ULK4: variants seen among roughly 807,000 people sequenced by gnomAD.
ULK4 encodes the protein inactive serine/threonine-protein kinase ULK4.
In ULK4, 133 loss-of-function variants were observed where a neutral mutation model predicts 160.6. The observed-to-expected ratio is 0.83, with a 90% CI of 0.72 to 0.96. ULK4 has a LOEUF of 0.96. Among genes scored for constraint, ULK4 ranks in the 40% least tolerant of loss-of-function variants. The pLI, the probability that ULK4 is intolerant of heterozygous loss-of-function variation, is 0.00. For synonymous variants in ULK4, 534 were observed against 539.8 expected (o/e 0.99, Z 0.15); for missense variants, 1,580 against 1,499.5 (o/e 1.05, Z -0.89).
intron 30 of ULK4, among the ~76,000 whole-genome samples, chr3:41,630,447 C>T (rs1048018530): frequency 2.0e-5 from 3 of 152,114 alleles, no homozygotes; most frequent in Non-Finnish European, 2.9e-5. Flanking sequence ...TCTAAACCAG[C>T]GAGTGAGGAT....
chr3:41,599,303 A>C (rs2031903276), intron 31 of ULK4, among the ~76,000 whole-genome samples: 1 of 152,194 alleles, frequency 6.6e-6, no homozygotes, highest in Admixed American at 6.5e-5. Flanking sequence ...TAGGATGAGG[A>C]TAATCTTATA....
chr3:41,642,105 C>T (rs1420537851), intron 30 of ULK4, among the ~76,000 whole-genome samples: 1 of 152,028 alleles, frequency 6.6e-6, no homozygotes, highest in Non-Finnish European at 1.5e-5. Context: ...AACCCCTGAC[C>T]TCAGGTGATC....
chr3:41,251,505 T>G (rs755893029), intron 35 of ULK4, among the ~76,000 whole-genome samples: 8 of 152,134 alleles, frequency 5.3e-5, no homozygotes, highest in Non-Finnish European at 1.0e-4. Context: ...GAACTGGCAG[T>G]GAGTTTACCA....
intron 32 of ULK4, among the ~76,000 whole-genome samples, chr3:41,475,542 T>G (rs1449540274): frequency 1.3e-5 from 2 of 152,254 alleles, no homozygotes; most frequent in East Asian, 1.9e-4. Context: ...ACTGCTTGAT[T>G]TAATTATTCC....
intron 1 of ULK4, among the ~76,000 whole-genome samples, chr3:41,961,491 T>G (rs1700665700): frequency 7.1e-6 from 1 of 140,882 alleles, no homozygotes; most frequent in Non-Finnish European, 1.5e-5. Context: ...TAGGTGCTCC[T>G]CCTCGCCGCA....
chr3:41,659,256 C>G (rs2125754332), intron 30 of ULK4, among the ~76,000 whole-genome samples: 3 of 152,288 alleles, frequency 2.0e-5, no homozygotes, highest in Middle Eastern at 3.4e-3. Flanking sequence ...AGCATTTTCA[C>G]CTCTGCATAG....
At chr3:41,844,086 C>A (rs938030135) in intron 17 of ULK4, among the ~76,000 whole-genome samples, 2 of 152,226 alleles carry the variant, frequency 1.3e-5, no homozygotes, top group Non-Finnish European at 2.9e-5. Context: ...CCACCAGACT[C>A]GGGAGCACCG....
intron 2 of ULK4, among the ~76,000 whole-genome samples, chr3:41,943,344 T>C (rs1575994656): frequency 6.6e-6 from 1 of 152,130 alleles, no homozygotes; most frequent in South Asian, 2.1e-4. Flanking sequence ...TTAGATGGTG[T>C]TGCTAGACTT....
chr3:41,827,503 A>G (rs573161512), intron 18 of ULK4, among the ~76,000 whole-genome samples: 204 of 152,314 alleles, frequency 1.3e-3, no homozygotes, highest in Non-Finnish European at 2.3e-3. Context: ...AACTACCATC[A>G]GAGAATACTA....
chr3:41,247,845 G>A lies in ULK4; in HGVS notation c.3765-853C>T, dbSNP rs962013214. 1.2e-4 allele frequency among the ~76,000 whole-genome samples: 18 copies of A among 152,342 alleles called. No homozygotes were observed. The East Asian group carries it at 3.5e-3, about 29-fold the overall frequency. The stretch of plus-strand genomic sequence containing the variant: ...GACAAACTACTGGCAGAGCAGCATC[G>A]GAACTGAGAACAATGCCATCCACTC... On this transcript the variant is annotated intron_variant, in intron 36 of 36. Coordinates refer to ENST00000301831, the MANE Select transcript of ULK4 (RefSeq NM_017886.4).
At chr3:41,670,428 G>A (rs796944093) in intron 29 of ULK4, among the ~76,000 whole-genome samples, 8 of 152,210 alleles carry the variant, frequency 5.3e-5, no homozygotes, top group African/African-American at 1.9e-4. Flanking sequence ...TGATTTTTAT[G>A]TGATTGAGCT....
At chr3:41,828,843 T>C (rs936608126) in intron 18 of ULK4, among the ~76,000 whole-genome samples, 140 of 152,198 alleles carry the variant, frequency 9.2e-4, no homozygotes, top group Middle Eastern at 3.4e-3. Context: ...GCCAAGTCAA[T>C]CCTAAGCCAA....
intron 30 of ULK4, among the ~76,000 whole-genome samples, chr3:41,638,704 A>T (rs894734176): frequency 1.3e-5 from 2 of 152,226 alleles, no homozygotes; most frequent in Non-Finnish European, 2.9e-5. Context: ...ACTGTAATGT[A>T]TTCTGGCCAA....
At chr3:41,524,429 T>C (rs898527027) in intron 32 of ULK4, among the ~76,000 whole-genome samples, 1 of 152,164 alleles carries the variant, frequency 6.6e-6, no homozygotes, top group Non-Finnish European at 1.5e-5. Context: ...AGATGCCCAG[T>C]AGTGACCCTG....
chr3:41,616,000 T>A (rs1271925576), intron 30 of ULK4, among the ~76,000 whole-genome samples: 1 of 152,206 alleles, frequency 6.6e-6, no homozygotes, highest in Non-Finnish European at 1.5e-5. Flanking sequence ...ACAATTATTA[T>A]AAAGACTATC....
chr3:41,848,171 A>G (rs980514657), intron 17 of ULK4, among the ~76,000 whole-genome samples: 2 of 152,338 alleles, frequency 1.3e-5, no homozygotes, highest in Middle Eastern at 3.4e-3. Context: ...TTCCCTGTTA[A>G]GGCCTAAATG....
intron 31 of ULK4, among the ~76,000 whole-genome samples, chr3:41,584,959 G>C (rs2030681970): frequency 6.6e-6 from 1 of 152,016 alleles, no homozygotes; most frequent in South Asian, 2.1e-4. Flanking sequence ...GGAGGCAAAA[G>C]ACTTGTACAC....
chr3:41,535,878 T>A (rs564436045), intron 32 of ULK4, among the ~76,000 whole-genome samples: 12 of 152,276 alleles, frequency 7.9e-5, no homozygotes, highest in African/African-American at 2.9e-4. Flanking sequence ...TACTCCTGCC[T>A]AGGAAGCCCC....
rs2082309861 is a variant in ULK4, at chr3:41,407,130, CA to C, written c.3493-8867del. On this transcript the variant is annotated intron_variant, in intron 34 of 36. Transcript: ENST00000301831. ...AGAGAGAAGAAAGCAGGCCGAGGCT[CA>C]ATCAGGAAGAAACAGATAACCTGGG... Among the ~76,000 whole-genome samples the C allele has an allele frequency of 2.6e-5, 4 of 152,026 alleles. No individual in the cohort carries two copies. In the South Asian group the frequency reaches 8.3e-4, roughly 32 times the overall value.
Sources: gnomAD v4.1 joint callset for allele counts (sites outside exome capture counted in the v4.1 genomes callset) on GRCh38, gnomAD v4.1.1 for gene constraint, MANE v1.5 for transcripts, NCBI Gene and HGNC (gene_info 2026-07-23, HGNC 2026-07-21) for gene names.